The following NDUFS7 variants were observed in gnomAD, a reference collection of about 807,000 sequenced individuals.
NDUFS7 encodes NADH dehydrogenase [ubiquinone] iron-sulfur protein 7, mitochondrial.
Under a neutral mutation model 31.1 loss-of-function variants are expected in NDUFS7, and 11 were observed. The observed-to-expected ratio is 0.35, with a 90% CI of 0.22 to 0.59. The LOEUF is 0.59. Ranked by LOEUF, NDUFS7 falls within the 20% of genes least tolerant of loss-of-function variation. The pLI, the probability that NDUFS7 is intolerant of heterozygous loss-of-function variation, is 0.79. For synonymous variants in NDUFS7, 136 were observed against 127.9 expected, an observed-to-expected ratio of 1.06 and a Z score of -0.43; for missense variants, 263 against 324.2, an observed-to-expected ratio of 0.81 and a Z score of 1.45.
Position 1,394,568 on chromosome 19 carries a change from C to T in NDUFS7, c.545-823C>T. 3 of 1,253,454 alleles carry T rather than the reference C, an allele frequency of 2.4e-6. No homozygotes were observed. The South Asian group carries it at 4.0e-5, about 17-fold the overall frequency. The allele number at this position is 1,253,454 out of a possible 1,614,324, so 77.6% of individuals were successfully genotyped here. ...CTCCCTCCCTGGGGACCGCGCTCCTCCCTCCCTGCGGACCGCGCTCGGCCC... is the reference window on the plus strand; with the variant it reads ...CTCCCTCCCTGGGGACCGCGCTCCTTCCTCCCTGCGGACCGCGCTCGGCCC... On this transcript the variant is annotated intron_variant, in intron 7 of 7. Coordinates refer to ENST00000233627, the MANE Select transcript of NDUFS7 (RefSeq NM_024407.5).
At chr19:1,392,865 G>C in intron 6 of NDUFS7, 1 of 332,762 alleles carries the variant, frequency 3.0e-6, no homozygotes, top group South Asian at 2.8e-5. Flanking sequence ...CACTGACAGA[G>C]CCGGAATCAG....
chr19:1,387,720 T>G, intron 1 of NDUFS7, 91 bp from the exon 2 acceptor site: 17 of 1,183,998 alleles, frequency 1.4e-5, no homozygotes, highest in Non-Finnish European at 2.1e-5. Flanking sequence ...AGCTAGGCTG[T>G]GCGGGCAGGA....
chr19:1,394,233 G>A (rs1023144926), intron 7 of NDUFS7: 15 of 545,768 alleles, frequency 2.7e-5, no homozygotes, highest in African/African-American at 2.0e-5. Context: ...TTTGTTCAGC[G>A]TTCTGCACGG....
chr19:1,394,583 G>A (rs1228753054), intron 7 of NDUFS7: 71 of 1,232,268 alleles, frequency 5.8e-5, no homozygotes, highest in South Asian at 1.8e-4. Context: ...CCTGCGGACC[G>A]CGCTCGGCCC....
intron 7 of NDUFS7, chr19:1,394,154 C>A: frequency 2.9e-6 from 1 of 347,944 alleles, no homozygotes; most frequent in Non-Finnish European, 5.6e-6. Context: ...AGAGGCACAT[C>A]CTGGTGCCTC....
chr19:1,385,191 A>G (rs527880230), intron 1 of NDUFS7, among the ~76,000 whole-genome samples: 1 of 152,338 alleles, frequency 6.6e-6, no homozygotes, highest in African/African-American at 2.4e-5. Flanking sequence ...AAGCAAATTC[A>G]CAGTTCTGAA....
At chr19:1,387,671 T>C (rs999155854) in intron 1 of NDUFS7, 140 bp from the exon 2 acceptor site, 1 of 748,372 alleles carries the variant, frequency 1.3e-6, no homozygotes, top group Non-Finnish European at 2.4e-6. Context: ...ACCCCCTCGT[T>C]ACCTAACGTT....
intron 7 of NDUFS7, chr19:1,394,017 T>C (rs1022696620): frequency 1.5e-4 from 40 of 258,790 alleles, no homozygotes; most frequent in Non-Finnish European, 2.4e-4. Context: ...GTAGGCAGGC[T>C]TGGAGGTGGC....
intron 7 of NDUFS7, chr19:1,394,416 AGACTGAGCTCCTCCCTCCCTGGG>A: frequency 7.8e-7 from 1 of 1,288,864 alleles, no homozygotes; most frequent in South Asian, 1.2e-5. Context: ...CCCTCCTTGC[AGACTGAGCTCCTCCCTCCCTGGG>A]GACCGCGCTC....
intron 4 of NDUFS7, chr19:1,389,677 C>T (rs372192469): frequency 1.0e-4 from 38 of 365,802 alleles, no homozygotes; most frequent in African/African-American, 5.1e-4. Context: ...CCAGCCCCCA[C>T]GCAGCCCCTG....
intron 1 of NDUFS7, among the ~76,000 whole-genome samples, chr19:1,384,343 C>T: frequency 6.6e-6 from 1 of 152,132 alleles, no homozygotes; most frequent in African/African-American, 2.4e-5. Flanking sequence ...GTCACAGGGC[C>T]GGGCCTGGGA....
At position 1,393,935 on chromosome 19, in the gene NDUFS7, G is replaced by A. The variant is rs763272312; in HGVS notation, c.544+605G>A. 1.3e-5 allele frequency: 3 copies of A among 236,550 alleles called. No individual in the cohort carries two copies. Among genetic ancestry groups the A allele is most frequent in the African/African-American group, 2.3e-5 (1 of 44,428 alleles). The allele number at this position is 236,550 out of a possible 1,614,324, so 14.7% of individuals were successfully genotyped here. A position where few individuals can be genotyped will look rare whatever the true frequency, so the allele number is the denominator to read the frequency against. ...AACATTCTTTATATCTGGTGATCCC[G>A]TGGGACTCTTGCACCTCACGTGGTC... On this transcript the variant is annotated intron_variant, in intron 7 of 7. Coordinates refer to ENST00000233627, the MANE Select transcript of NDUFS7 (RefSeq NM_024407.5). The surrounding 1 kb of genome is among the most constrained non-coding windows in gnomAD (Gnocchi z 7.3).
At chr19:1,389,225 G>C in intron 4 of NDUFS7, 1 of 671,026 alleles carries the variant, frequency 1.5e-6, no homozygotes. Context: ...ATACACACAT[G>C]CACACTTGCA....
chr19:1,394,981 C>T (rs2082585994), intron 7 of NDUFS7: 2 of 1,127,316 alleles, frequency 1.8e-6, no homozygotes. Context: ...GGCCACCTCC[C>T]CTCCCTCCGC....
chr19:1,395,109 G>C, intron 7 of NDUFS7: 1 of 1,347,042 alleles, frequency 7.4e-7, no homozygotes, highest in Non-Finnish European at 9.6e-7. Flanking sequence ...CGGGGGCCGG[G>C]TTAGTGAGGT....
intron 4 of NDUFS7, chr19:1,389,441 G>C (rs977624209): frequency 2.2e-6 from 1 of 457,850 alleles, no homozygotes; most frequent in African/African-American, 2.0e-5. Flanking sequence ...GGAGCAGGGC[G>C]GACCCTCCCG....
chr19:1,393,184 G>A lies in NDUFS7; in HGVS notation c.456-58G>A, dbSNP rs892000225. ...GGTGGGGATGGGGCGAGGCCTCGTG[G>A]AGGGAGGGTGGGCAGGCGGGTCTTC... On this transcript the variant is annotated intron_variant, in intron 6 of 7. Transcript: ENST00000233627. This position sits in a 1 kb window ranked among gnomAD's most constrained non-coding sequence, Gnocchi z 7.3. The A allele has an allele frequency of 4.2e-6, 6 of 1,425,116 alleles. No individual in the cohort carries two copies. Among genetic ancestry groups the A allele is most frequent in the Non-Finnish European group, 5.8e-6 (6 of 1,040,766 alleles). The allele number at this position is 1,425,116 out of a possible 1,614,324, so 88.3% of individuals were successfully genotyped here. A position where few individuals can be genotyped will look rare whatever the true frequency, so the allele number is the denominator to read the frequency against.
Position 1,393,125 on chromosome 19 carries a change from AGCCTC to A in NDUFS7, c.456-115_456-111del. On this transcript the variant is annotated intron_variant, in intron 6 of 7. Coordinates refer to ENST00000233627, the MANE Select transcript of NDUFS7 (RefSeq NM_024407.5). The surrounding 1 kb of genome is among the most constrained non-coding windows in gnomAD (Gnocchi z 7.3). ...TCATTGCTTCTCCGTGACAAGTTCC[AGCCTC>A]GTAGGTGCCTGGCCTGCAGTTGAAG... The A allele has an allele frequency of 1.3e-6, 1 of 786,820 alleles. No individual in the cohort carries two copies. Among genetic ancestry groups the A allele is most frequent in the East Asian group, 2.7e-5 (1 of 36,962 alleles). The allele number at this position is 786,820 out of a possible 1,614,324, so 48.7% of individuals were successfully genotyped here.
intron 6 of NDUFS7, 95 bp downstream of exon 6, chr19:1,391,260 T>G (rs2082555603): frequency 6.8e-7 from 1 of 1,464,646 alleles, no homozygotes; most frequent in Admixed American, 1.9e-5. Context: ...TCATCTACAT[T>G]CAGTGAAATC....
Sources: gnomAD v4.1 joint callset for allele counts (sites outside exome capture counted in the v4.1 genomes callset) on GRCh38, gnomAD v4.1.1 for gene constraint, Gnocchi (gnomAD v3.1) non-coding constraint, MANE v1.5 for transcripts, NCBI Gene and HGNC (gene_info 2026-07-23, HGNC 2026-07-21) for gene names.